The following ROBO2 variants were observed in gnomAD, a reference collection of about 807,000 sequenced individuals.
The protein encoded by ROBO2 is roundabout homolog 2.
Under a neutral mutation model 160.8 loss-of-function variants are expected in ROBO2, and 53 were observed. The observed-to-expected ratio is 0.33, with a 90% CI of 0.26 to 0.41. The LOEUF (loss-of-function observed/expected upper bound fraction) is 0.41, where lower values mean the gene tolerates loss of function less well. Ranked by LOEUF, ROBO2 falls within the 10% of genes least tolerant of loss-of-function variation. The pLI is 1.00. For synonymous variants in ROBO2, 664 were observed against 611.7 expected, an observed-to-expected ratio of 1.09 and a Z score of -1.26; for missense variants, 1,577 against 1,722.4, an observed-to-expected ratio of 0.92 and a Z score of 1.49.
At chr3:76,524,826 T>TAAAAAAAAA (rs58091252) in intron 2 of ROBO2, among the ~76,000 whole-genome samples, 6 of 21,738 alleles carry the variant, frequency 2.8e-4, no homozygotes, top group Admixed American at 8.1e-4. Context: ...CTCTTATTCC[T>TAAAAAAAAA]AAAAAAAAAA....
intron 2 of ROBO2, among the ~76,000 whole-genome samples, chr3:77,414,404 C>G (rs528624324): frequency 6.6e-6 from 1 of 151,946 alleles, no homozygotes; most frequent in Admixed American, 6.5e-5. Flanking sequence ...TCCTGCAGTA[C>G]GGGGAAGAAG....
At chr3:76,140,191 T>G (rs183944901) in intron 2 of ROBO2, among the ~76,000 whole-genome samples, 1 of 152,084 alleles carries the variant, frequency 6.6e-6, no homozygotes, top group Non-Finnish European at 1.5e-5. Context: ...ACATGAAAGC[T>G]GAAGAGCTTT....
intron 2 of ROBO2, among the ~76,000 whole-genome samples, chr3:77,198,133 GCA>G (rs570443306): frequency 4.7e-4 from 72 of 152,254 alleles, no homozygotes; most frequent in Middle Eastern, 6.8e-3. Flanking sequence ...ATTACTACGG[GCA>G]CAGTTTTTCA....
chr3:76,162,457 C>T (rs1194675241), intron 2 of ROBO2, among the ~76,000 whole-genome samples: 1 of 152,042 alleles, frequency 6.6e-6, no homozygotes, highest in African/African-American at 2.4e-5. Flanking sequence ...CAGATGTACT[C>T]CACCATGCCC....
At chr3:76,956,649 A>G (rs1381183190) in intron 2 of ROBO2, among the ~76,000 whole-genome samples, 3 of 151,742 alleles carry the variant, frequency 2.0e-5, no homozygotes, top group Admixed American at 2.0e-4. Flanking sequence ...AACCTGTGGG[A>G]TTATAGTTAG....
At chr3:77,076,074 A>G (rs975437279) in intron 1 of ROBO2, among the ~76,000 whole-genome samples, 6 of 152,184 alleles carry the variant, frequency 3.9e-5, no homozygotes, top group African/African-American at 1.4e-4. Flanking sequence ...AAAAAGAAAA[A>G]AAAAGGAAAA....
At chr3:77,179,041 T>C (rs1354307387) in intron 2 of ROBO2, among the ~76,000 whole-genome samples, 1 of 152,070 alleles carries the variant, frequency 6.6e-6, no homozygotes, top group Non-Finnish European at 1.5e-5. Context: ...TATCATAGTA[T>C]GTGGTACTTA....
intron 2 of ROBO2, among the ~76,000 whole-genome samples, chr3:77,162,834 C>CT (rs1243207426): frequency 6.6e-6 from 1 of 151,480 alleles, no homozygotes; most frequent in Non-Finnish European, 1.5e-5. Context: ...TTTTTCTTTT[C>CT]TTTTTTTTCT....
intron 6 of ROBO2, among the ~76,000 whole-genome samples, chr3:77,530,019 A>G (rs2153633878): frequency 6.6e-6 from 1 of 152,066 alleles, no homozygotes; most frequent in African/African-American, 2.4e-5. Context: ...TAAGCCAAGT[A>G]AAATAATGAT....
At chr3:76,287,490 G>A (rs1258199172) in intron 2 of ROBO2, among the ~76,000 whole-genome samples, 2 of 152,008 alleles carry the variant, frequency 1.3e-5, no homozygotes, top group African/African-American at 4.8e-5. Context: ...AGTAGAGACA[G>A]GGTTTCATCA....
chr3:76,015,301 G>T (rs2066375584), intron 2 of ROBO2, among the ~76,000 whole-genome samples: 1 of 152,110 alleles, frequency 6.6e-6, no homozygotes, highest in South Asian at 2.1e-4. Context: ...TATAAAATAT[G>T]CATATGTTAA....
intron 2 of ROBO2, among the ~76,000 whole-genome samples, chr3:77,467,527 T>C (rs1008150352): frequency 6.6e-6 from 1 of 152,148 alleles, no homozygotes; most frequent in African/African-American, 2.4e-5. Context: ...TTTGTAATCA[T>C]CCTGTAAATG....
intron 2 of ROBO2, among the ~76,000 whole-genome samples, chr3:77,243,426 T>G (rs1446093616): frequency 6.6e-6 from 1 of 152,202 alleles, no homozygotes; most frequent in Non-Finnish European, 1.5e-5. Context: ...TTGAACACCC[T>G]GATCTGGAGG....
At chr3:76,818,861 C>T (rs116569767) in intron 2 of ROBO2, among the ~76,000 whole-genome samples, 110 of 152,122 alleles carry the variant, frequency 7.2e-4, no homozygotes, top group African/African-American at 2.3e-3. Context: ...TAACTATGGC[C>T]TTACAGTATT....
intron 2 of ROBO2, among the ~76,000 whole-genome samples, chr3:76,781,390 T>C (rs1041020745): frequency 6.6e-5 from 10 of 150,796 alleles, no homozygotes; most frequent in African/African-American, 2.2e-4. Context: ...CAAACTTGAA[T>C]GTCTTTATTG....
At chr3:76,078,678 T>A (rs2068721432) in intron 2 of ROBO2, among the ~76,000 whole-genome samples, 1 of 152,114 alleles carries the variant, frequency 6.6e-6, no homozygotes. Context: ...GTAATAAGCT[T>A]TTAAAGAACA....
chr3:76,321,190 A>G (rs1472154078), intron 2 of ROBO2, among the ~76,000 whole-genome samples: 2 of 152,168 alleles, frequency 1.3e-5, no homozygotes, highest in Non-Finnish European at 2.9e-5. Context: ...TATTTCAAAC[A>G]ATGATAACTG....
At position 76,127,603 on chromosome 3, in the gene ROBO2, T is replaced by C. The variant is rs199840717; in HGVS notation, c.109+190001T>C. On this transcript the variant is annotated intron_variant, in intron 2 of 26. Transcript: ENST00000487694. ...TCTCTATATGGTTTGAAAAAATATA[T>C]ATATATATATACATATACTATCAAG... Among the ~76,000 whole-genome samples, 802 of 139,392 alleles carry C rather than the reference T, an allele frequency of 5.8e-3. 4 individuals carry two copies. The highest frequency in any genetic ancestry group is 9.1e-3 in the Admixed American group (128 of 14,032). The allele number at this position is 139,392 out of a possible 152,430, so 91.4% of individuals were successfully genotyped here.
chr3:76,677,583 A>C (rs991605270), intron 2 of ROBO2, among the ~76,000 whole-genome samples: 2 of 152,134 alleles, frequency 1.3e-5, no homozygotes, highest in African/African-American at 4.8e-5. Context: ...TCACAGAAAG[A>C]GCAGTTGCCG....
Sources: allele counts gnomAD v4.1 joint callset (sites outside exome capture counted in the v4.1 genomes callset), GRCh38; gene constraint gnomAD v4.1.1; transcripts MANE v1.5; gene names NCBI Gene and HGNC (gene_info 2026-07-23, HGNC 2026-07-21).